The following THSD7B variants were observed in gnomAD, a reference collection of about 807,000 sequenced individuals.
THSD7B encodes the protein thrombospondin type-1 domain-containing protein 7B.
THSD7B carries 138 observed loss-of-function variants against 213.6 expected under a neutral mutation model. The observed-to-expected ratio is 0.65, with a 90% CI of 0.56 to 0.74. The LOEUF (loss-of-function observed/expected upper bound fraction) is 0.74. Ranked by LOEUF, THSD7B falls within the 30% of genes least tolerant of loss-of-function variation. The probability of loss-of-function intolerance (pLI) is 0.00; values close to 1 mark genes in which losing one functional copy is unlikely to be tolerated. For missense variants in THSD7B, 1,931 were observed against 1,991.5 expected, an observed-to-expected ratio of 0.97 and a Z score of 0.58; for synonymous variants, 742 against 687.0, an observed-to-expected ratio of 1.08 and a Z score of -1.25.
rs930010428 is a variant in THSD7B at position 137,315,109 on chromosome 2, G to C, written c.2500+39083G>C. On this transcript the variant is annotated intron_variant, in intron 12 of 27. Coordinates refer to ENST00000409968, the MANE Select transcript of THSD7B (RefSeq NM_001316349.2). Reference sequence around the variant, plus strand: ...TGGCGGGCGCCCCTCCCCCAGCCTCGCTGCCGCCTTGCAGTTTGATCTCAG... The same window carrying C: ...TGGCGGGCGCCCCTCCCCCAGCCTCCCTGCCGCCTTGCAGTTTGATCTCAG... 2.5e-4 allele frequency among the ~76,000 whole-genome samples: 38 copies of C among 152,092 alleles called. 1 individual carries two copies. Among genetic ancestry groups the C allele is most frequent in the Non-Finnish European group, 5.9e-5 (4 of 68,018 alleles).
At chr2:136,969,967 G>A (rs1030716386) in intron 2 of THSD7B, among the ~76,000 whole-genome samples, 2 of 152,064 alleles carry the variant, frequency 1.3e-5, no homozygotes, top group Admixed American at 6.6e-5. Context: ...CCTACAAAAG[G>A]AATCTGAAGG....
intron 1 of THSD7B, among the ~76,000 whole-genome samples, chr2:136,836,821 A>G (rs914282749): frequency 6.6e-6 from 1 of 152,130 alleles, no homozygotes; most frequent in Non-Finnish European, 1.5e-5. Context: ...CTCAAAACTA[A>G]CACACCTAAA....
At chr2:137,296,270 CT>C (rs767653048) in intron 12 of THSD7B, among the ~76,000 whole-genome samples, 3 of 152,032 alleles carry the variant, frequency 2.0e-5, no homozygotes, top group Non-Finnish European at 4.4e-5. Flanking sequence ...TCATAGTTTT[CT>C]TCAGCTTAAC....
intron 1 of THSD7B, among the ~76,000 whole-genome samples, chr2:136,849,600 G>T (rs1683064257): frequency 6.6e-6 from 1 of 152,074 alleles, no homozygotes; most frequent in South Asian, 2.1e-4. Context: ...AACATGCAGG[G>T]GGTGGGGAGT....
chr2:137,088,110 T>C (rs1333971547), intron 3 of THSD7B, among the ~76,000 whole-genome samples: 3 of 151,972 alleles, frequency 2.0e-5, no homozygotes, highest in Non-Finnish European at 1.5e-5. Context: ...AATAGTGGTT[T>C]GTGCCTATAG....
At chr2:137,009,978 C>T (rs6750400) in intron 2 of THSD7B, among the ~76,000 whole-genome samples, 110,047 of 152,160 alleles carry the variant, frequency 0.72, 40,306 homozygotes, top group African/African-American at 0.83. Flanking sequence ...TCAGAAAATC[C>T]ATAAGGCTGT....
intron 3 of THSD7B, among the ~76,000 whole-genome samples, chr2:137,074,358 T>C (rs1043817441): frequency 6.6e-6 from 1 of 152,156 alleles, no homozygotes; most frequent in Non-Finnish European, 1.5e-5. Context: ...TTTGTCTCTT[T>C]TGATCTTTGT....
intron 17 of THSD7B, among the ~76,000 whole-genome samples, chr2:137,615,504 C>T (rs1381901434): frequency 5.9e-5 from 9 of 152,230 alleles, no homozygotes; most frequent in Admixed American, 1.3e-4. Context: ...GGGTCAAGAA[C>T]ATTATAGGAA....
chr2:137,166,094 G>A (rs560657260), intron 6 of THSD7B, among the ~76,000 whole-genome samples: 20 of 152,176 alleles, frequency 1.3e-4, no homozygotes, highest in African/African-American at 4.8e-4. Context: ...AAGGCTTGTG[G>A]CTGTTGGTTA....
At chr2:137,063,476 A>G (rs1003375738) in intron 3 of THSD7B, among the ~76,000 whole-genome samples, 1 of 152,096 alleles carries the variant, frequency 6.6e-6, no homozygotes, top group African/African-American at 2.4e-5. Flanking sequence ...TTGTAATCAT[A>G]TCAGGGTAAA....
In THSD7B at chr2:137,591,741, G is replaced by T. The variant is rs1681870027; in HGVS notation, c.3423+19185G>T. ...AAATTCTTTTTGCTTTTATTATAGTGTTTTATTCTTATAGTTTGATGCCAC... is the reference window on the plus strand; with the variant it reads ...AAATTCTTTTTGCTTTTATTATAGTTTTTTATTCTTATAGTTTGATGCCAC... On this transcript the variant is annotated intron_variant, in intron 17 of 27. Transcript: ENST00000409968. 2.6e-5 allele frequency among the ~76,000 whole-genome samples: 4 copies of T among 151,754 alleles called. No homozygotes were observed. In the South Asian group the frequency reaches 6.2e-4, roughly 24 times the overall value.
intron 12 of THSD7B, among the ~76,000 whole-genome samples, chr2:137,322,214 A>G (rs1005019384): frequency 1.3e-5 from 2 of 152,220 alleles, no homozygotes; most frequent in African/African-American, 4.8e-5. Flanking sequence ...TCAAATTGGA[A>G]TGGAAGCTTT....
At chr2:137,395,569 A>G (rs1401084423) in intron 12 of THSD7B, among the ~76,000 whole-genome samples, 2 of 152,004 alleles carry the variant, frequency 1.3e-5, no homozygotes, top group African/African-American at 2.4e-5. Context: ...TTTTGCCAGT[A>G]TTTTATTGAG....
rs749225563 is a variant in THSD7B, at chr2:137,563,307, G to A, written c.3225G>A (p.Glu1075=). The change falls in exon 16 of 28, where the codon GAG becomes GAA. Residue 1075 remains glutamate, a synonymous_variant. Transcript: ENST00000409968. ...GGTCTTCATGCAAAATCAACAATGA[G>A]CTGAGGTCCCTGCGCTGTGGAGGAG... is the stretch of plus-strand genomic sequence containing the variant. ...EHWSSCKINN[E]LRSLRCGGGT... is the part of the protein sequence containing the mutation. 5.6e-6 allele frequency: 9 copies of A among 1,613,308 alleles called. No individual in the cohort carries two copies. In the African/African-American group the frequency reaches 1.1e-4, roughly 19 times the overall value.
Position 137,525,026 on chromosome 2 carries a change from C to CT in THSD7B, c.3139-38188dup, listed in dbSNP as rs1463128776. On this transcript the variant is annotated intron_variant, in intron 15 of 27. Transcript: ENST00000409968. Reference sequence around the variant, plus strand: ...TTTTGTGAGGTCGTTGTTGGTGTGCCTTTTTTTGTTGGTTGGTTGGTGTTT... The same window carrying CT: ...TTTTGTGAGGTCGTTGTTGGTGTGCCTTTTTTTTGTTGGTTGGTTGGTGTTT... Among the ~76,000 whole-genome samples the CT allele has an allele frequency of 2.0e-5, 3 of 152,128 alleles. No individual in the cohort carries two copies. The East Asian group carries it at 5.8e-4, about 29-fold the overall frequency.
chr2:137,295,176 A>G (rs1683431630), intron 12 of THSD7B, among the ~76,000 whole-genome samples: 1 of 152,152 alleles, frequency 6.6e-6, no homozygotes, highest in Admixed American at 6.5e-5. Flanking sequence ...TAGAACAACA[A>G]CAAGCCCTGT....
rs76997432 is a variant in THSD7B at position 137,079,495 on chromosome 2, T to A, written c.951-15378T>A. On this transcript the variant is annotated intron_variant, in intron 3 of 27. Transcript: ENST00000409968. Reference sequence around the variant, plus strand: ...TTTATTTGTCTCTTCTAATGCTTTTTGTCTTGAATTTTAATTTGTCAGATA... The same window carrying A: ...TTTATTTGTCTCTTCTAATGCTTTTAGTCTTGAATTTTAATTTGTCAGATA... 3.4e-3 allele frequency among the ~76,000 whole-genome samples: 519 copies of A among 152,340 alleles called. 7 individuals carry two copies. The East Asian group carries it at 0.043, about 13-fold the overall frequency.
At chr2:136,996,462 C>T (rs561709917) in intron 2 of THSD7B, among the ~76,000 whole-genome samples, 3 of 152,118 alleles carry the variant, frequency 2.0e-5, no homozygotes, top group East Asian at 3.9e-4. Context: ...CCTTCTCAGC[C>T]TCTGGAGTAG....
intron 7 of THSD7B, among the ~76,000 whole-genome samples, chr2:137,200,952 G>C (rs1680864916): frequency 6.6e-6 from 1 of 150,572 alleles, no homozygotes; most frequent in African/African-American, 2.4e-5. Flanking sequence ...TATAGGTATA[G>C]AGCCACTCAC....
Sources: allele counts gnomAD v4.1 joint callset (sites outside exome capture counted in the v4.1 genomes callset), GRCh38; gene constraint gnomAD v4.1.1; transcripts MANE v1.5; gene names NCBI Gene and HGNC (gene_info 2026-07-23, HGNC 2026-07-21).